Variants in PDLIM5 observed in about 807,000 individuals in gnomAD.
The protein encoded by PDLIM5 is PDZ and LIM domain 5, also known as PDZ and LIM domain protein 5.
In PDLIM5, 34 loss-of-function variants were observed where a neutral mutation model predicts 64.2. That is an observed-to-expected ratio of 0.53 (90% CI 0.40 to 0.71). The LOEUF is 0.71. PDLIM5 is among the 30% of genes least tolerant of loss of function. The probability of loss-of-function intolerance (pLI) is 0.00; values close to 1 mark genes in which losing one functional copy is unlikely to be tolerated. For synonymous variants in PDLIM5, 253 were observed against 269.1 expected (o/e 0.94, Z 0.59); for missense variants, 683 against 733.6 (o/e 0.93, Z 0.80).
At chr4:94,556,618 T>C (rs1265551283) in intron 3 of PDLIM5, among the ~76,000 whole-genome samples, 1 of 152,220 alleles carries the variant, frequency 6.6e-6, no homozygotes, top group Non-Finnish European at 1.5e-5. Context: ...TGAGATGATA[T>C]CTCATTGTGG....
At chr4:94,461,093 T>C (rs1723838390) in intron 2 of PDLIM5, among the ~76,000 whole-genome samples, 1 of 152,240 alleles carries the variant, frequency 6.6e-6, no homozygotes. Context: ...TTCCCCCAGT[T>C]ACAACTGTAT....
At chr4:94,635,832 A>G (rs895394420) in intron 8 of PDLIM5, among the ~76,000 whole-genome samples, 5 of 152,226 alleles carry the variant, frequency 3.3e-5, no homozygotes, top group Non-Finnish European at 7.3e-5. Context: ...GAAATGAAAC[A>G]TCACTTTGTT....
chr4:94,504,050 A>G (rs1728166450), intron 2 of PDLIM5, among the ~76,000 whole-genome samples: 1 of 152,052 alleles, frequency 6.6e-6, no homozygotes, highest in Admixed American at 6.6e-5. Context: ...GAGACCTCCT[A>G]CTCCCTTGTT....
chr4:94,508,407 T>C (rs2110098350), intron 2 of PDLIM5, among the ~76,000 whole-genome samples: 1 of 152,270 alleles, frequency 6.6e-6, no homozygotes, highest in South Asian at 2.1e-4. Flanking sequence ...AACAAAGAGC[T>C]GGAAGGAAAA....
intron 7 of PDLIM5, among the ~76,000 whole-genome samples, chr4:94,598,683 A>C (rs1737254074): frequency 6.6e-6 from 1 of 152,150 alleles, no homozygotes; most frequent in Non-Finnish European, 1.5e-5. Context: ...AACTTAGTCT[A>C]GTAGAGCAGA....
At chr4:94,489,829 G>A (rs1191468857) in intron 2 of PDLIM5, among the ~76,000 whole-genome samples, 1 of 152,034 alleles carries the variant, frequency 6.6e-6, no homozygotes, top group Non-Finnish European at 1.5e-5. Context: ...CTTCCCATAT[G>A]TAATCTTTCC....
At chr4:94,508,885 G>A (rs781768248) in intron 2 of PDLIM5, among the ~76,000 whole-genome samples, 5 of 152,110 alleles carry the variant, frequency 3.3e-5, no homozygotes, top group Non-Finnish European at 7.3e-5. Flanking sequence ...TCCCTATGCT[G>A]TAGACACCTT....
chr4:94,602,284 T>A (rs1737568716), intron 7 of PDLIM5, among the ~76,000 whole-genome samples: 1 of 152,206 alleles, frequency 6.6e-6, no homozygotes, highest in African/African-American at 2.4e-5. Flanking sequence ...GAAGATGCCA[T>A]TTTTATGTTG....
At chr4:94,640,219 TAGGAA>T in intron 8 of PDLIM5, 52 bp from the exon 9 acceptor site, 1 of 818,360 alleles carries the variant, frequency 1.2e-6, no homozygotes, top group Non-Finnish European at 1.9e-6. Flanking sequence ...ATTTGATTGT[TAGGAA>T]AGGTTTATAT....
intron 7 of PDLIM5, among the ~76,000 whole-genome samples, chr4:94,611,422 T>G (rs1429694090): frequency 6.6e-6 from 1 of 152,244 alleles, no homozygotes; most frequent in Non-Finnish European, 1.5e-5. Flanking sequence ...ACATCTTTCC[T>G]TAGCATACTT....
intron 2 of PDLIM5, among the ~76,000 whole-genome samples, chr4:94,483,403 T>C (rs1036886057): frequency 6.6e-6 from 1 of 152,174 alleles, no homozygotes; most frequent in Non-Finnish European, 1.5e-5. Flanking sequence ...CTTTCCAACA[T>C]AAGATACTCA....
intron 11 of PDLIM5, among the ~76,000 whole-genome samples, chr4:94,657,767 C>T (rs1013782451): frequency 6.6e-6 from 1 of 152,018 alleles, no homozygotes; most frequent in African/African-American, 2.4e-5. Flanking sequence ...AGTGCAATGG[C>T]CCAATCTCGG....
chr4:94,479,380 G>A (rs1430669334), intron 2 of PDLIM5, among the ~76,000 whole-genome samples: 2 of 143,784 alleles, frequency 1.4e-5, no homozygotes, highest in African/African-American at 5.2e-5. Flanking sequence ...AGGCTGGAGT[G>A]CAGTGGCACA....
At chr4:94,530,604 T>A (rs578000326) in intron 3 of PDLIM5, among the ~76,000 whole-genome samples, 13 of 151,726 alleles carry the variant, frequency 8.6e-5, no homozygotes, top group East Asian at 3.9e-4. Context: ...TGTGGTTTTT[T>A]AAAATTTTTG....
chr4:94,495,505 T>C (rs1164486050), intron 2 of PDLIM5, among the ~76,000 whole-genome samples: 1 of 151,448 alleles, frequency 6.6e-6, no homozygotes, highest in African/African-American at 2.4e-5. Context: ...AAATGGAGCT[T>C]AGTTGAAAAA....
intron 2 of PDLIM5, among the ~76,000 whole-genome samples, chr4:94,462,202 C>T (rs957746020): frequency 6.6e-6 from 1 of 152,212 alleles, no homozygotes; most frequent in African/African-American, 2.4e-5. Context: ...GTTCAAAATT[C>T]AAAAGATACA....
chr4:94,563,125 TAAG>T (rs1031518545), intron 3 of PDLIM5, among the ~76,000 whole-genome samples: 1 of 152,138 alleles, frequency 6.6e-6, no homozygotes, highest in Non-Finnish European at 1.5e-5. Flanking sequence ...ACAAATAATA[TAAG>T]AAGTTGTAAA....
At chr4:94,557,332 G>A (rs992227011) in intron 3 of PDLIM5, among the ~76,000 whole-genome samples, 15 of 152,168 alleles carry the variant, frequency 9.9e-5, no homozygotes, top group African/African-American at 3.6e-4. Flanking sequence ...TTTGAAGTCA[G>A]GTAGTGTGAT....
chr4:94,548,049 T>A (rs1199810041), intron 3 of PDLIM5, among the ~76,000 whole-genome samples: 1 of 152,194 alleles, frequency 6.6e-6, no homozygotes, highest in Non-Finnish European at 1.5e-5. Flanking sequence ...AGTTGATATG[T>A]CTTAACATCT....
Sources: gnomAD v4.1 joint callset for allele counts (sites outside exome capture counted in the v4.1 genomes callset) on GRCh38, gnomAD v4.1.1 for gene constraint, MANE v1.5 for transcripts, NCBI Gene and HGNC (gene_info 2026-07-23, HGNC 2026-07-21) for gene names.